WDR90: variants seen among roughly 807,000 people sequenced by gnomAD.
The protein encoded by WDR90 is WD repeat domain 90.
A neutral mutation model predicts 195.2 loss-of-function variants in WDR90; 238 were observed. That is an observed-to-expected ratio of 1.22 (90% CI 1.10 to 1.36). WDR90 has a LOEUF of 1.36. Among genes scored for constraint, WDR90 ranks in the 40% most tolerant of loss-of-function variants. WDR90 has a pLI of 0.00. For synonymous variants in WDR90, 1,265 were observed against 1,052.4 expected (o/e 1.20, Z -3.91); for missense variants, 2,734 against 2,439.5 (o/e 1.12, Z -2.54).
At position 666,594 on chromosome 16, in the gene WDR90, C is replaced by T. The variant is rs753403076; in HGVS notation, c.4880C>T (p.Thr1627Met). ...DWLSFPMPAT[T>M]ETQGHLPPSL... is the part of the protein sequence containing the mutation. ...TTGAGTTTCCCAATGCCTGCCACCACGGAGGTAAACCATGCTCCTGGCACT... is the reference window on the plus strand; with the variant it reads ...TTGAGTTTCCCAATGCCTGCCACCATGGAGGTAAACCATGCTCCTGGCACT... The change falls in exon 38 of 41, where the codon ACG (threonine) becomes ATG (methionine). Residue 1627 changes from threonine (T) to methionine (M), a missense_variant. By Grantham distance (81) the Thr-to-Met change is moderately conservative. Coordinates refer to ENST00000293879, the MANE Select transcript of WDR90 (RefSeq NM_145294.5). 22 of 1,612,208 alleles carry T rather than the reference C, an allele frequency of 1.4e-5. No homozygotes were observed. Among genetic ancestry groups the T allele is most frequent in the African/African-American group, 9.3e-5 (7 of 74,922 alleles).
chr16:660,494 C>T, intron 27 of WDR90, 118 bp from the exon 28 acceptor site: 1 of 1,045,450 alleles, frequency 9.6e-7, no homozygotes, highest in Non-Finnish European at 1.4e-6. Context: ...CCCCGTCTGC[C>T]CCTGGGTGTC....
intron 32 of WDR90, 23 bp from the exon 33 acceptor site, chr16:662,197 C>G (rs745728186): frequency 6.5e-7 from 1 of 1,527,660 alleles, no homozygotes. Flanking sequence ...GCCGTGGCCC[C>G]TTATGGCTCC....
At position 660,755 on chromosome 16, in the gene WDR90, G is replaced by A. The variant is rs1232541813; in HGVS notation, c.3391+41G>A. 12 of 1,522,612 alleles carry A rather than the reference G, an allele frequency of 7.9e-6. No homozygotes were observed. The Admixed American group carries it at 2.2e-4, about 28-fold the overall frequency. 94.3% of individuals were successfully genotyped at this position (1,522,612 alleles called of 1,614,324 possible). On this transcript the variant is annotated intron_variant, in intron 28 of 40. Coordinates refer to ENST00000293879, the MANE Select transcript of WDR90 (RefSeq NM_145294.5). The stretch of plus-strand genomic sequence containing the variant: ...CTACCCCCACCCCCAGCCAAGATGC[G>A]GCCGCGCGTGGTCCAGCCGTCTCCA...
intron 9 of WDR90, 54 bp from the exon 10 acceptor site, chr16:652,413 A>G (rs1045911867): frequency 1.0e-5 from 16 of 1,551,174 alleles, no homozygotes; most frequent in Non-Finnish European, 1.4e-5. Context: ...TTGGTCGGGC[A>G]TTCTGGGGAC....
At position 651,088 on chromosome 16, in the gene WDR90, G is replaced by A. The variant is rs778872146; in HGVS notation, c.653G>A (p.Arg218His). 74 of 1,613,326 alleles carry A rather than the reference G, an allele frequency of 4.6e-5. No homozygotes were observed. The highest frequency in any genetic ancestry group is 1.6e-4 in the Middle Eastern group (1 of 6,082). Residue 218 changes from arginine to histidine, a missense_variant, in exon 6 of 41, where the codon CGC (arginine) becomes CAC (histidine). Physicochemically the swap from Arg to His is conservative, Grantham distance 29 (BLOSUM62 0). Coordinates refer to ENST00000293879, the MANE Select transcript of WDR90 (RefSeq NM_145294.5). ...CCCAAGGGAGAGAGCTGGCATGACC[G>A]CTACATCCACGTCCGGTGAGTGGTT... ...PVPKGESWHD[R>H]YIHVRFPSES...
Position 666,910 on chromosome 16 carries a change from G to A in WDR90, c.5010G>A (p.Val1670=), listed in dbSNP as rs963136739. 12 of 1,612,616 alleles carry A rather than the reference G, an allele frequency of 7.4e-6. No individual in the cohort carries two copies. Among genetic ancestry groups the A allele is most frequent in the Non-Finnish European group, 1.0e-5 (12 of 1,179,884 alleles). The change falls in exon 40 of 41, where the codon GTG becomes GTA. Residue 1670 remains valine, a synonymous_variant. Transcript: ENST00000293879. ...CTCACGCTGGCTGCTCACAGGTGGT[G>A]GAGAAGATACCACTGCCCTTTTTTG... The part of the protein sequence containing the change: ...IIYNLCQKQV[V]EKIPLPFFAM...
rs2037759126 is a variant in WDR90, at chr16:656,548, G to A, written c.2202+11G>A. ...GCCACCCTGCAGCAGGTGGGGTTTG[G>A]CAGGGGCAGCACGGCAGGGAGGGCC... On this transcript the variant is annotated intron_variant, in intron 18 of 40. Coordinates refer to ENST00000293879, the MANE Select transcript of WDR90 (RefSeq NM_145294.5). 1.9e-6 allele frequency: 3 copies of A among 1,563,802 alleles called. No homozygotes were observed. Among genetic ancestry groups the A allele is most frequent in the African/African-American group, 2.7e-5 (2 of 73,876 alleles).
In WDR90 at chr16:661,074, C is replaced by A. The variant is rs748323112; in HGVS notation, c.3415C>A (p.Arg1139Ser). Residue 1139 changes from arginine (R) to serine (S), a missense_variant, in exon 29 of 41, where the codon CGC becomes AGC. Arg to Ser is a moderately radical substitution (Grantham distance 110, BLOSUM62 -1). Transcript: ENST00000293879. The part of the protein sequence containing the change: ...DTGFFAYTCG[R>S]LVVVEDLHSG... The stretch of plus-strand genomic sequence containing the variant: ...AGGCTTCTTTGCCTACACGTGCGGC[C>A]GCCTGGTGGTGGTGGAGGACCTGCA... The A allele has an allele frequency of 4.0e-6, 6 of 1,508,492 alleles. No homozygotes were observed. The highest frequency in any genetic ancestry group is 5.3e-6 in the Non-Finnish European group (6 of 1,142,610). 93.4% of individuals were successfully genotyped at this position (1,508,492 alleles called of 1,614,324 possible). A position where few individuals can be genotyped will look rare whatever the true frequency, so the allele number is the denominator to read the frequency against.
chr16:653,712 C>T, intron 12 of WDR90, 34 bp from the exon 13 acceptor site: 4 of 1,613,326 alleles, frequency 2.5e-6, no homozygotes, highest in Non-Finnish European at 3.4e-6. Context: ...GGGGTCAGCC[C>T]AGGCGACAAT....
At chr16:656,183 G>A (rs2037749753) in intron 17 of WDR90, 119 bp from the exon 18 acceptor site, 12 of 1,002,928 alleles carry the variant, frequency 1.2e-5, no homozygotes, top group Non-Finnish European at 1.8e-5. Context: ...GCAGCCGTGT[G>A]GAGCCTGGGA....
Position 656,567 on chromosome 16 carries a change from G to A in WDR90, c.2202+30G>A, listed in dbSNP as rs746649842. The A allele has an allele frequency of 2.6e-6, 4 of 1,560,800 alleles. No individual in the cohort carries two copies. The African/African-American group carries it at 5.4e-5, about 21-fold the overall frequency. Reference sequence around the variant, plus strand: ...GGTTTGGCAGGGGCAGCACGGCAGGGAGGGCCGGGAGGTCCTGAAGCTGGG... The same window carrying A: ...GGTTTGGCAGGGGCAGCACGGCAGGAAGGGCCGGGAGGTCCTGAAGCTGGG... On this transcript the variant is annotated intron_variant, in intron 18 of 40. Transcript: ENST00000293879.
intron 21 of WDR90, 83 bp downstream of exon 21, chr16:657,975 C>T (rs1290761415): frequency 5.4e-6 from 8 of 1,472,106 alleles, no homozygotes; most frequent in South Asian, 2.7e-5. Flanking sequence ...CACGGCCACT[C>T]GGGAGCAGGA....
chr16:656,002 C>T, intron 17 of WDR90, 113 bp downstream of exon 17: 2 of 1,244,614 alleles, frequency 1.6e-6, no homozygotes, highest in South Asian at 1.3e-5. Context: ...CCTGGCTGCA[C>T]AGGGTGCCAC....
chr16:659,640 G>C (rs1567219779), intron 26 of WDR90, among the ~76,000 whole-genome samples: 2 of 152,192 alleles, frequency 1.3e-5, no homozygotes, highest in South Asian at 4.1e-4. Context: ...AGATGAGGAA[G>C]GACCCTGTGA....
Position 666,572 on chromosome 16 carries a change from A to G in WDR90, c.4858A>G (p.Ser1620Gly). ...RNHCELVDWLSFPMPATTETQ... is the reference protein window; with the variant it reads ...RNHCELVDWLGFPMPATTETQ... ...CCACTGTGAGCTTGTGGACTGGTTG[A>G]GTTTCCCAATGCCTGCCACCACGGA... Residue 1620 changes from serine to glycine, a missense_variant, in exon 38 of 41, where the codon AGT becomes GGT. Physicochemically the swap from Ser to Gly is moderately conservative, Grantham distance 56. Transcript: ENST00000293879. The G allele has an allele frequency of 1.2e-6, 2 of 1,612,650 alleles. No homozygotes were observed. Among genetic ancestry groups the G allele is most frequent in the Non-Finnish European group, 1.7e-6 (2 of 1,179,896 alleles).
At position 650,140 on chromosome 16, in the gene WDR90, C is replaced by T; in HGVS notation, c.252C>T (p.Phe84=). 1.9e-6 allele frequency: 3 copies of T among 1,613,064 alleles called. No individual in the cohort carries two copies. The highest frequency in any genetic ancestry group is 2.5e-6 in the Non-Finnish European group (3 of 1,179,948). The change falls in exon 3 of 41, where the codon TTC becomes TTT. Residue 84 remains phenylalanine, a synonymous_variant. Coordinates refer to ENST00000293879, the MANE Select transcript of WDR90 (RefSeq NM_145294.5). Reference sequence around the variant, plus strand: ...TTCGGCCCCTGCCCAGCAAGCACTTCGTCATCCACCTCGATGTGTCCTCCA... The same window carrying T: ...TTCGGCCCCTGCCCAGCAAGCACTTTGTCATCCACCTCGATGTGTCCTCCA... ...VLFRPLPSKH[F]VIHLDVSSKD...
Position 662,290 on chromosome 16 carries a change from G to A in WDR90, c.4104G>A (p.Val1368=). Residue 1368 remains valine, a synonymous_variant, in exon 33 of 41, where the codon GTG becomes GTA. Coordinates refer to ENST00000293879, the MANE Select transcript of WDR90 (RefSeq NM_145294.5). The stretch of plus-strand genomic sequence containing the variant: ...CGGGGCGGCTGCGCCTGTGGGCCGT[G>A]GGGGCTGTGTCGGAGCTGAGGTGCA... The part of the protein sequence containing the change: ...SSTGRLRLWA[V]GAVSELRCKG... 6.3e-7 allele frequency: 1 copy of A among 1,581,876 alleles called. No individual in the cohort carries two copies.
At chr16:655,218 C>T in intron 14 of WDR90, 71 bp downstream of exon 14, 1 of 1,612,248 alleles carries the variant, frequency 6.2e-7, no homozygotes, top group Non-Finnish European at 8.5e-7. Context: ...GCCCGAGCAC[C>T]TCCCCCTGGC....
chr16:657,009 G>T lies in WDR90; in HGVS notation c.2343-82G>T. The T allele has an allele frequency of 7.7e-6, 12 of 1,566,146 alleles. No individual in the cohort carries two copies. In the South Asian group the frequency reaches 1.4e-4, roughly 18 times the overall value. On this transcript the variant is annotated intron_variant, in intron 19 of 40. Transcript: ENST00000293879. ...TGCCCCATGGGGACTTCCATGGCCAGGCTGGTTGGCTGGAGGTCGAGGGAA... is the reference window on the plus strand; with the variant it reads ...TGCCCCATGGGGACTTCCATGGCCATGCTGGTTGGCTGGAGGTCGAGGGAA...
Sources: gnomAD v4.1 joint callset for allele counts (sites outside exome capture counted in the v4.1 genomes callset) on GRCh38, gnomAD v4.1.1 for gene constraint, MANE v1.5 for transcripts, NCBI Gene and HGNC (gene_info 2026-07-23, HGNC 2026-07-21) for gene names.